Variants in SF3A3 observed in about 807,000 individuals in gnomAD.
SF3A3 encodes the protein SAP 61.
Under a neutral mutation model 85.8 loss-of-function variants are expected in SF3A3, and 9 were observed. That is an observed-to-expected ratio of 0.10 (90% CI 0.06 to 0.18). SF3A3 has a LOEUF of 0.18. Among genes scored for constraint, SF3A3 ranks in the 10% least tolerant of loss-of-function variants. SF3A3 has a pLI of 1.00. For synonymous variants in SF3A3, 195 were observed against 204.4 expected (o/e 0.95, Z 0.39); for missense variants, 306 against 593.3 (o/e 0.52, Z 5.03).
chr1:37,958,345 C>A, intron 16 of SF3A3, 82 bp from the exon 17 acceptor site: 2 of 950,200 alleles, frequency 2.1e-6, no homozygotes, highest in Non-Finnish European at 3.5e-6. Context: ...CTGAGCTCAT[C>A]CTGGCCTGAT....
intron 15 of SF3A3, among the ~76,000 whole-genome samples, chr1:37,962,383 C>G (rs901996641): frequency 2.1e-5 from 3 of 142,726 alleles, no homozygotes; most frequent in Non-Finnish European, 4.5e-5. Context: ...GTGGGCAGAT[C>G]ACCTGAGGTT....
chr1:37,977,211 A>G (rs1178618439), intron 11 of SF3A3, among the ~76,000 whole-genome samples: 2 of 152,200 alleles, frequency 1.3e-5, no homozygotes, highest in Non-Finnish European at 2.9e-5. Context: ...CATTTCCATC[A>G]TTATAATCTA....
chr1:37,978,927 C>A, intron 10 of SF3A3, 61 bp downstream of exon 10: 1 of 1,560,190 alleles, frequency 6.4e-7, no homozygotes, highest in Non-Finnish European at 8.8e-7. Context: ...ATCAGAGCTA[C>A]TTAGAAGACT....
chr1:37,969,771 G>C lies in SF3A3; in HGVS notation c.1006-36C>G, dbSNP rs753848996. ...TCCATAAATGAAAAGTCAGAAAAAA[G>C]TAGTGCAGAATAAGAAGGGAAATTT... On this transcript the variant is annotated intron_variant, in intron 12 of 16. Transcript: ENST00000373019. The C allele has an allele frequency of 3.7e-6, 6 of 1,605,660 alleles. No individual in the cohort carries two copies. The highest frequency in any genetic ancestry group is 4.3e-6 in the Non-Finnish European group (5 of 1,174,608).
intron 12 of SF3A3, among the ~76,000 whole-genome samples, chr1:37,971,098 T>G (rs1319636932): frequency 6.6e-6 from 1 of 151,752 alleles, no homozygotes; most frequent in African/African-American, 2.4e-5. Context: ...ATCAACAAAA[T>G]TGATAAGACC....
chr1:37,970,809 G>A (rs1646340172), intron 12 of SF3A3, among the ~76,000 whole-genome samples: 1 of 152,152 alleles, frequency 6.6e-6, no homozygotes, highest in Non-Finnish European at 1.5e-5. Flanking sequence ...GGAAACCAAT[G>A]AGCACAAAGA....
At chr1:37,989,628 AG>A (rs775928181) in intron 1 of SF3A3, 33 bp from the exon 2 acceptor site, 1 of 1,611,336 alleles carries the variant, frequency 6.2e-7, no homozygotes, top group African/African-American at 1.3e-5. Context: ...AAACGCCGTT[AG>A]TTTGCGTTCT....
At chr1:37,977,806 TTGAGCCTGGGTGACAGAGGAAGACTC>T in intron 11 of SF3A3, among the ~76,000 whole-genome samples, 7 of 152,052 alleles carry the variant, frequency 4.6e-5, no homozygotes, top group African/African-American at 9.6e-5. Flanking sequence ...GCCACTGCAC[TTGAGCCTGGGTGACAGAGGAAGACTC>T]CGTCTCAAAA....
In SF3A3 at chr1:37,975,791, G is replaced by A. The variant is rs570779235; in HGVS notation, c.1005+1093C>T. Among the ~76,000 whole-genome samples, 32 of 152,316 alleles carry A rather than the reference G, an allele frequency of 2.1e-4. 1 individual carries two copies. In the South Asian group the frequency reaches 6.0e-3, roughly 29 times the overall value. ...TCCACGGCAATTAACAAAAATATGT[G>A]AACAAGCTATCTGATCCAGAGCCAT... On this transcript the variant is annotated intron_variant, in intron 12 of 16. Transcript: ENST00000373019.
chr1:37,986,506 T>C (rs141998461), intron 4 of SF3A3, among the ~76,000 whole-genome samples: 2 of 152,108 alleles, frequency 1.3e-5, no homozygotes, highest in East Asian at 3.9e-4. Context: ...TACCTTATTA[T>C]AAGTGAGCTC....
intron 12 of SF3A3, among the ~76,000 whole-genome samples, chr1:37,974,413 C>T (rs1226448807): frequency 6.6e-6 from 1 of 151,128 alleles, no homozygotes; most frequent in African/African-American, 2.4e-5. Context: ...TGCCATTCTC[C>T]TGCCTCAGCC....
At chr1:37,978,588 A>T in intron 11 of SF3A3, 132 bp downstream of exon 11, 1 of 612,210 alleles carries the variant, frequency 1.6e-6, no homozygotes. Flanking sequence ...TAGCAGAGAT[A>T]AAGAGCAGAC....
chr1:37,984,195 T>C lies in SF3A3; in HGVS notation c.442A>G (p.Lys148Glu), dbSNP rs763202107. ...RYLDLHDCYL[K>E]YINLKASEKL... Reference sequence around the variant, plus strand: ...TCAGATGCCTTCAGGTTAATGTACTTGAGGTAACAGTCATGGAGATCGAGA... The same window carrying C: ...TCAGATGCCTTCAGGTTAATGTACTCGAGGTAACAGTCATGGAGATCGAGA... Residue 148 changes from lysine to glutamate, a missense_variant, in exon 6 of 17, where the codon AAG becomes GAG. By Grantham distance (56) the Lys-to-Glu change is moderately conservative (BLOSUM62 1). Transcript: ENST00000373019. 1.2e-6 allele frequency: 2 copies of C among 1,608,216 alleles called. No individual in the cohort carries two copies. Among genetic ancestry groups the C allele is most frequent in the Non-Finnish European group, 1.7e-6 (2 of 1,175,748 alleles).
At chr1:37,966,211 A>T (rs1275814377) in intron 15 of SF3A3, among the ~76,000 whole-genome samples, 1 of 149,068 alleles carries the variant, frequency 6.7e-6, no homozygotes, top group East Asian at 2.0e-4. Context: ...TCAAAAAAAT[A>T]AATAAATAAA....
At chr1:37,979,100 T>C (rs754104782) in intron 9 of SF3A3, 45 bp from the exon 10 acceptor site, 4 of 1,544,106 alleles carry the variant, frequency 2.6e-6, no homozygotes, top group East Asian at 2.2e-5. Flanking sequence ...TAACAGATTT[T>C]TGGGAAACCC....
chr1:37,989,877 T>A lies in SF3A3; in HGVS notation c.89A>T (p.Lys30Met). The A allele has an allele frequency of 6.2e-7, 1 of 1,612,424 alleles. No individual in the cohort carries two copies. Among genetic ancestry groups the A allele is most frequent in the Non-Finnish European group, 8.5e-7 (1 of 1,178,724 alleles). ...DVMAKEMLTK[K>M]STLRDQINSD... is the part of the protein sequence containing the mutation. Reference sequence around the variant, plus strand: ...TGCTCAGGCCCCACTCACCGTGGACTTCTTGGTGAGCATCTCTTTAGCCAT... The same window carrying A: ...TGCTCAGGCCCCACTCACCGTGGACATCTTGGTGAGCATCTCTTTAGCCAT... Residue 30 changes from lysine (K) to methionine (M), a missense_variant, in exon 1 of 17, where the codon AAG (lysine) becomes ATG (methionine). Lys to Met is a moderately conservative substitution (Grantham distance 95, BLOSUM62 -1). Coordinates refer to ENST00000373019, the MANE Select transcript of SF3A3 (RefSeq NM_006802.4).
chr1:37,976,000 CA>C (rs1448778901), intron 12 of SF3A3, among the ~76,000 whole-genome samples: 1 of 151,978 alleles, frequency 6.6e-6, no homozygotes, highest in Non-Finnish European at 1.5e-5. Context: ...ACTAAAAATA[CA>C]AAAAACTAGT....
intron 15 of SF3A3, among the ~76,000 whole-genome samples, chr1:37,967,368 AC>A (rs1188613148): frequency 6.6e-6 from 1 of 150,980 alleles, no homozygotes; most frequent in African/African-American, 2.4e-5. Context: ...ACACAGTGAA[AC>A]CCCGTCTCTA....
Position 37,969,643 on chromosome 1 carries a change from C to G in SF3A3, c.1098G>C (p.Glu366Asp). The G allele has an allele frequency of 1.2e-6, 2 of 1,614,094 alleles. No homozygotes were observed. The highest frequency in any genetic ancestry group is 1.7e-6 in the Non-Finnish European group (2 of 1,179,928). Reference protein sequence around the residue: ...REEEEEEQISESESEDEENEI... With the variant: ...REEEEEEQISDSESEDEENEI... ...CGTTCTCTTCATCTTCACTCTCACT[C>G]TCACTGATCTGCTCTTCTTCCTCTT... is the stretch of plus-strand genomic sequence containing the variant. Residue 366 changes from glutamate (E) to aspartate (D), a missense_variant, in exon 13 of 17, where the codon GAG becomes GAC. Transcript: ENST00000373019.
Sources: allele counts gnomAD v4.1 joint callset (sites outside exome capture counted in the v4.1 genomes callset), GRCh38; gene constraint gnomAD v4.1.1; transcripts MANE v1.5; gene names NCBI Gene and HGNC (gene_info 2026-07-23, HGNC 2026-07-21).